Variants in CNGB3 observed in about 807,000 individuals in gnomAD.
CNGB3 encodes cyclic nucleotide gated channel subunit beta 3.
A neutral mutation model predicts 92.8 loss-of-function variants in CNGB3; 86 were observed. The observed-to-expected ratio is 0.93, with a 90% CI of 0.78 to 1.11. The LOEUF (loss-of-function observed/expected upper bound fraction) is 1.11, where lower values mean the gene tolerates loss of function less well. CNGB3 is among the 50% of genes least tolerant of loss of function. The pLI is 0.00. For synonymous variants in CNGB3, 333 were observed against 332.7 expected (o/e 1.00, Z -0.01); for missense variants, 1,026 against 956.8 (o/e 1.07, Z -0.95).
At chr8:86,641,059 C>T (rs1169079415) in intron 10 of CNGB3, among the ~76,000 whole-genome samples, 2 of 151,996 alleles carry the variant, frequency 1.3e-5, no homozygotes, top group Non-Finnish European at 2.9e-5. Context: ...CCCAAATCCA[C>T]CACAACCAAG....
chr8:86,678,488 T>A (rs1824017350), intron 3 of CNGB3, among the ~76,000 whole-genome samples: 1 of 152,180 alleles, frequency 6.6e-6, no homozygotes, highest in Non-Finnish European at 1.5e-5. Flanking sequence ...AATGTACATA[T>A]GGATGTTATG....
chr8:86,719,904 C>T (rs751622252), intron 3 of CNGB3, among the ~76,000 whole-genome samples: 39 of 152,110 alleles, frequency 2.6e-4, no homozygotes, highest in Non-Finnish European at 4.9e-4. Flanking sequence ...GGAAAGGACA[C>T]CCTTTTCAAC....
At chr8:86,593,852 TGGACCCCGG>T (rs1822109500) in intron 15 of CNGB3, 4 of 827,958 alleles carry the variant, frequency 4.8e-6, no homozygotes, top group Admixed American at 1.9e-5. Context: ...ATTGAACTCC[TGGACCCCGG>T]GCAGCATAGC....
chr8:86,655,421 C>T (rs911036887), intron 6 of CNGB3, among the ~76,000 whole-genome samples: 5 of 152,206 alleles, frequency 3.3e-5, no homozygotes, highest in African/African-American at 1.2e-4. Flanking sequence ...ACAGAACCCA[C>T]TCTGTTCAGC....
intron 11 of CNGB3, among the ~76,000 whole-genome samples, chr8:86,632,219 A>G (rs905223033): frequency 4.1e-4 from 61 of 149,598 alleles, no homozygotes; most frequent in Non-Finnish European, 7.8e-4. Flanking sequence ...AAAAAAAAAA[A>G]GGGCTCTATC....
intron 15 of CNGB3, among the ~76,000 whole-genome samples, chr8:86,595,407 T>A (rs1233306138): frequency 6.6e-6 from 1 of 152,248 alleles, no homozygotes; most frequent in Non-Finnish European, 1.5e-5. Flanking sequence ...GATATTTGAA[T>A]GAATATTTAA....
intron 13 of CNGB3, among the ~76,000 whole-genome samples, chr8:86,623,872 T>C (rs1277267278): frequency 1.3e-5 from 2 of 152,220 alleles, no homozygotes; most frequent in Non-Finnish European, 2.9e-5. Flanking sequence ...GGAAAAACTA[T>C]GGGCTTTTTG....
In CNGB3 at chr8:86,630,514, G is replaced by C. The variant is rs527478949; in HGVS notation, c.1321-1436C>G. 3.9e-5 allele frequency among the ~76,000 whole-genome samples: 6 copies of C among 152,286 alleles called. No homozygotes were observed. The South Asian group carries it at 1.0e-3, about 26-fold the overall frequency. ...GCTAGGGAAGTACATGAGAGTATGA[G>C]AGGAAGAAAAATGTCAGTTTCTGTG... is the stretch of plus-strand genomic sequence containing the variant. On this transcript the variant is annotated intron_variant, in intron 11 of 17. Transcript: ENST00000320005.
At chr8:86,656,233 C>G (rs1408536934) in intron 6 of CNGB3, among the ~76,000 whole-genome samples, 1 of 152,108 alleles carries the variant, frequency 6.6e-6, no homozygotes, top group Non-Finnish European at 1.5e-5. Context: ...AGTCACTTCC[C>G]TCAAAGTTTA....
At chr8:86,710,845 T>C (rs1293101087) in intron 3 of CNGB3, among the ~76,000 whole-genome samples, 1 of 152,214 alleles carries the variant, frequency 6.6e-6, no homozygotes, top group African/African-American at 2.4e-5. Context: ...TTTTGGTTCT[T>C]TCTTCCGTAA....
rs6471482 is a variant in CNGB3 at position 86,667,075 on chromosome 8, A to C, written c.702T>G (p.Cys234Trp). Reference sequence around the variant, plus strand: ...GGAAGACGAGGCGCAGTGGTATAAAACAGCAGTTCCAGTTATAGGCAAGAG... The same window carrying C: ...GGAAGACGAGGCGCAGTGGTATAAACCAGCAGTTCCAGTTATAGGCAAGAG... ...LVTLAYNWNCCFIPLRLVFPY... is the reference protein window; with the variant it reads ...LVTLAYNWNCWFIPLRLVFPY... Residue 234 changes from cysteine (C) to tryptophan (W), a missense_variant, in exon 6 of 18, where the codon TGT becomes TGG. Physicochemically the swap from Cys to Trp is radical, Grantham distance 215. Transcript: ENST00000320005. The C allele has an allele frequency of 0.86, 1,382,691 of 1,613,820 alleles. 594,751 individuals carry two copies. The highest frequency in any genetic ancestry group is 1 in the East Asian group (44,833 of 44,850).
intron 3 of CNGB3, among the ~76,000 whole-genome samples, chr8:86,690,175 A>G (rs1252443113): frequency 1.3e-5 from 2 of 152,196 alleles, no homozygotes; most frequent in African/African-American, 4.8e-5. Flanking sequence ...TTACAGTCCC[A>G]CCAACAGTGT....
intron 2 of CNGB3, among the ~76,000 whole-genome samples, chr8:86,731,823 G>A (rs1825161020): frequency 6.6e-6 from 1 of 152,152 alleles, no homozygotes; most frequent in Non-Finnish European, 1.5e-5. Context: ...AGTGTTCCAT[G>A]AGCCAGACTG....
chr8:86,575,489 C>A lies in CNGB3; in HGVS notation c.*315G>T. ...TAGTGAATCACATCACAGCCAAGAG[C>A]AAGCTAATAAAACTGGAAGGAAGAG... On this transcript the variant is annotated 3_prime_UTR_variant, in exon 18 of 18. Transcript: ENST00000320005. 3.9e-6 allele frequency: 1 copy of A among 259,474 alleles called. No homozygotes were observed. The highest frequency in any genetic ancestry group is 2.2e-5 in the African/African-American group (1 of 44,770). The allele number at this position is 259,474 out of a possible 1,614,324, so 16.1% of individuals were successfully genotyped here. A position where few individuals can be genotyped will look rare whatever the true frequency, so the allele number is the denominator to read the frequency against.
At chr8:86,720,883 C>A (rs1824959831) in intron 3 of CNGB3, among the ~76,000 whole-genome samples, 1 of 135,574 alleles carries the variant, frequency 7.4e-6, no homozygotes, top group African/African-American at 2.8e-5. Context: ...CACACACACA[C>A]AATGGAATAC....
intron 4 of CNGB3, among the ~76,000 whole-genome samples, chr8:86,670,497 G>A (rs916342569): frequency 6.6e-6 from 1 of 152,028 alleles, no homozygotes; most frequent in Non-Finnish European, 1.5e-5. Flanking sequence ...TTCCATTCAA[G>A]TAATTTTCAA....
At chr8:86,643,242 T>C (rs550766946) in intron 10 of CNGB3, among the ~76,000 whole-genome samples, 161 of 151,504 alleles carry the variant, frequency 1.1e-3, no homozygotes, top group Non-Finnish European at 1.7e-3. Context: ...GACCAATTCA[T>C]GGGGTACTCA....
chr8:86,690,901 C>T (rs1824298655), intron 3 of CNGB3, among the ~76,000 whole-genome samples: 1 of 152,134 alleles, frequency 6.6e-6, no homozygotes, highest in Non-Finnish European at 1.5e-5. Flanking sequence ...GGGCTGTGTT[C>T]TGTTCCATTG....
At chr8:86,731,605 T>C (rs558200868) in intron 2 of CNGB3, among the ~76,000 whole-genome samples, 1 of 152,266 alleles carries the variant, frequency 6.6e-6, no homozygotes, top group African/African-American at 2.4e-5. Context: ...ATTTTATATA[T>C]AGGTATTAAG....
Sources: gnomAD v4.1 joint callset for allele counts (sites outside exome capture counted in the v4.1 genomes callset) on GRCh38, gnomAD v4.1.1 for gene constraint, MANE v1.5 for transcripts, NCBI Gene and HGNC (gene_info 2026-07-23, HGNC 2026-07-21) for gene names.